The following ROBO2 variants were observed in gnomAD, a reference collection of about 807,000 sequenced individuals.
The protein encoded by ROBO2 is roundabout guidance receptor 2.
In ROBO2, 53 loss-of-function variants were observed where a neutral mutation model predicts 160.8. The observed-to-expected ratio is 0.33, with a 90% confidence interval of 0.26 to 0.41. ROBO2 has a LOEUF of 0.41. ROBO2 is among the 10% of genes least tolerant of loss of function. The pLI, the probability that ROBO2 is intolerant of heterozygous loss-of-function variation, is 1.00. For missense variants in ROBO2, 1,577 were observed against 1,722.4 expected (o/e 0.92, Z 1.49); for synonymous variants, 664 against 611.7 (o/e 1.09, Z -1.26).
chr3:77,567,889 A>C (rs1201046304), intron 12 of ROBO2, among the ~76,000 whole-genome samples: 1 of 152,040 alleles, frequency 6.6e-6, no homozygotes, highest in African/African-American at 2.4e-5. Context: ...CCTTAGCATC[A>C]GTTTTTAGAT....
At chr3:76,621,015 C>T (rs2089029938) in intron 2 of ROBO2, among the ~76,000 whole-genome samples, 3 of 151,962 alleles carry the variant, frequency 2.0e-5, no homozygotes, top group Admixed American at 6.6e-5. Flanking sequence ...GACTCTGTTG[C>T]GATTTTCAGT....
At chr3:76,631,975 C>T (rs1232256700) in intron 2 of ROBO2, among the ~76,000 whole-genome samples, 1 of 152,194 alleles carries the variant, frequency 6.6e-6, no homozygotes, top group Non-Finnish European at 1.5e-5. Flanking sequence ...ATATCATTAT[C>T]TGGAAATAGT....
At chr3:77,312,844 A>G (rs574827757) in intron 2 of ROBO2, among the ~76,000 whole-genome samples, 4 of 152,344 alleles carry the variant, frequency 2.6e-5, no homozygotes, top group South Asian at 2.1e-4. Context: ...GCAGCTACTC[A>G]TGGAAATTAT....
Position 76,092,875 on chromosome 3 carries a change from T to G in ROBO2, c.109+155273T>G, listed in dbSNP as rs769964853. Among the ~76,000 whole-genome samples, 75 of 152,338 alleles carry G rather than the reference T, an allele frequency of 4.9e-4. 1 individual carries two copies. Among genetic ancestry groups the G allele is most frequent in the Non-Finnish European group, 1.8e-4 (12 of 68,006 alleles). The stretch of plus-strand genomic sequence containing the variant: ...AGTCAACCTTGACAAAAGAACAGTT[T>G]GAAGTATTTTCCTGATAGAAATCAC... On this transcript the variant is annotated intron_variant, in intron 2 of 26. Transcript: ENST00000487694.
intron 2 of ROBO2, among the ~76,000 whole-genome samples, chr3:76,809,903 T>C (rs1306804193): frequency 6.6e-6 from 1 of 152,012 alleles, no homozygotes; most frequent in African/African-American, 2.4e-5. Context: ...GACAATTTTA[T>C]ATATGTCAGA....
intron 2 of ROBO2, among the ~76,000 whole-genome samples, chr3:75,957,255 ACAC>A (rs1334722719): frequency 3.3e-5 from 5 of 150,458 alleles, no homozygotes; most frequent in Non-Finnish European, 1.5e-5. Flanking sequence ...CAAAACACAC[ACAC>A]ACACACACAT....
At chr3:77,428,644 C>A (rs1003248302) in intron 2 of ROBO2, among the ~76,000 whole-genome samples, 12 of 152,078 alleles carry the variant, frequency 7.9e-5, no homozygotes, top group Non-Finnish European at 1.3e-4. Flanking sequence ...GCGTGAGCCA[C>A]CGCGCCCGGC....
rs111753050 is a variant in ROBO2, at chr3:76,130,335, T to C, written c.109+192733T>C. Among the ~76,000 whole-genome samples, 795 of 152,284 alleles carry C rather than the reference T, an allele frequency of 5.2e-3. 4 individuals carry two copies. Among genetic ancestry groups the C allele is most frequent in the African/African-American group, 0.018 (759 of 41,576 alleles). On this transcript the variant is annotated intron_variant, in intron 2 of 26. Transcript: ENST00000487694. ...TAATGGTAAAACAATACAATGCTTT[T>C]GTTTATGCCGCTATAATTTCATATG...
chr3:77,055,006 A>G (rs2065597019), intron 1 of ROBO2, among the ~76,000 whole-genome samples: 1 of 151,802 alleles, frequency 6.6e-6, no homozygotes, highest in Non-Finnish European at 1.5e-5. Context: ...AGCCCTCATA[A>G]TAAAGTCCCT....
intron 2 of ROBO2, among the ~76,000 whole-genome samples, chr3:77,213,646 C>T (rs1245039317): frequency 1.3e-5 from 2 of 152,048 alleles, no homozygotes; most frequent in East Asian, 1.9e-4. Flanking sequence ...GCTCTTGCTT[C>T]TCTAGTTCTT....
At chr3:76,458,987 G>A (rs1490843297) in intron 2 of ROBO2, among the ~76,000 whole-genome samples, 1 of 152,120 alleles carries the variant, frequency 6.6e-6, no homozygotes, top group African/African-American at 2.4e-5. Context: ...CTTCAAATAG[G>A]GCTGGTGCTG....
intron 2 of ROBO2, among the ~76,000 whole-genome samples, chr3:76,508,070 A>G (rs528303644): frequency 6.6e-6 from 1 of 152,294 alleles, no homozygotes; most frequent in South Asian, 2.1e-4. Context: ...GTAGCATAAT[A>G]GAGATCCATG....
rs147633007 is a variant in ROBO2, at chr3:76,155,987, T to C, written c.109+218385T>C. 4.4e-3 allele frequency among the ~76,000 whole-genome samples: 666 copies of C among 151,770 alleles called. 11 individuals carry two copies. The highest frequency in any genetic ancestry group is 0.034 in the East Asian group (176 of 5,164). ...TATATATTTTTTCATCCAAAAGACA[T>C]ATTGATTTTACTAGGAGGCTAAATG... On this transcript the variant is annotated intron_variant, in intron 2 of 26. Transcript: ENST00000487694.
intron 2 of ROBO2, among the ~76,000 whole-genome samples, chr3:76,940,230 C>G (rs1475152910): frequency 6.6e-6 from 1 of 152,150 alleles, no homozygotes; most frequent in Non-Finnish European, 1.5e-5. Context: ...GATCCGCCTG[C>G]CTCGGCCTCC....
chr3:77,146,481 C>G (rs1022122699), intron 2 of ROBO2, among the ~76,000 whole-genome samples: 8 of 152,062 alleles, frequency 5.3e-5, no homozygotes, highest in Admixed American at 1.3e-4. Context: ...GATTAATAAT[C>G]ATTTTGATTA....
chr3:77,138,777 A>G (rs1209093709), intron 2 of ROBO2, among the ~76,000 whole-genome samples: 5 of 152,192 alleles, frequency 3.3e-5, no homozygotes, highest in African/African-American at 1.2e-4. Flanking sequence ...TAAAGTGGCC[A>G]GAAGCAAGCA....
intron 2 of ROBO2, among the ~76,000 whole-genome samples, chr3:77,005,977 A>G (rs1436929136): frequency 6.6e-6 from 1 of 152,202 alleles, no homozygotes; most frequent in Non-Finnish European, 1.5e-5. Context: ...GTTTAATAAT[A>G]ACCTTCTAGT....
At chr3:77,246,327 ATGTGTGTGTG>A (rs71104664) in intron 2 of ROBO2, among the ~76,000 whole-genome samples, 8 of 145,830 alleles carry the variant, frequency 5.5e-5, no homozygotes, top group East Asian at 2.0e-4. Flanking sequence ...GTGTATGTGT[ATGTGTGTGTG>A]TGTGTGTGTG....
chr3:77,619,421 C>T (rs553330048), intron 22 of ROBO2, among the ~76,000 whole-genome samples: 17 of 152,240 alleles, frequency 1.1e-4, no homozygotes, highest in African/African-American at 3.9e-4. Flanking sequence ...TGAAAAGATA[C>T]GCATTAAAAT....
Sources: allele counts gnomAD v4.1 joint callset (sites outside exome capture counted in the v4.1 genomes callset), GRCh38; gene constraint gnomAD v4.1.1; transcripts MANE v1.5; gene names NCBI Gene and HGNC (gene_info 2026-07-23, HGNC 2026-07-21).